The following AIG1 variants were observed in gnomAD, a reference collection of about 807,000 sequenced individuals.
AIG1 encodes the protein androgen induced 1, also known as androgen-induced gene 1 protein.
A neutral mutation model predicts 31.4 loss-of-function variants in AIG1; 23 were observed. The observed-to-expected ratio is 0.73, with a 90% CI of 0.53 to 1.04. The LOEUF (loss-of-function observed/expected upper bound fraction) is 1.04, where lower values mean the gene tolerates loss of function less well. Among genes scored for constraint, AIG1 ranks in the 50% least tolerant of loss-of-function variants. The probability of loss-of-function intolerance (pLI) is 0.00; values close to 1 mark genes in which losing one functional copy is unlikely to be tolerated. For missense variants in AIG1, 274 were observed against 295.0 expected (o/e 0.93, Z 0.52); for synonymous variants, 100 against 110.5 (o/e 0.90, Z 0.60).
intron 4 of AIG1, among the ~76,000 whole-genome samples, chr6:143,303,172 G>C (rs928122141): frequency 1.3e-5 from 2 of 151,638 alleles, no homozygotes; most frequent in Middle Eastern, 6.8e-3. Context: ...CCATTTTGTA[G>C]GTTGCCTGTT....
At chr6:143,112,806 G>T (rs1781403292) in intron 1 of AIG1, among the ~76,000 whole-genome samples, 1 of 152,118 alleles carries the variant, frequency 6.6e-6, no homozygotes, top group Non-Finnish European at 1.5e-5. Flanking sequence ...GTGCATTTTT[G>T]ATCCTCACAT....
intron 3 of AIG1, among the ~76,000 whole-genome samples, chr6:143,227,118 G>A (rs555005490): frequency 6.6e-6 from 1 of 151,192 alleles, no homozygotes; most frequent in East Asian, 2.0e-4. Flanking sequence ...ATGTCCTAAA[G>A]AAGATAATTC....
At chr6:143,228,501 C>T (rs577437885) in intron 3 of AIG1, among the ~76,000 whole-genome samples, 1 of 152,228 alleles carries the variant, frequency 6.6e-6, no homozygotes, top group African/African-American at 2.4e-5. Context: ...AGCAAGTGTC[C>T]CAACACCAAA....
At chr6:143,221,851 T>C (rs1344742133) in intron 3 of AIG1, among the ~76,000 whole-genome samples, 2 of 152,230 alleles carry the variant, frequency 1.3e-5, no homozygotes, top group African/African-American at 4.8e-5. Context: ...TTCTTGATGC[T>C]GAACAGATCA....
At chr6:143,142,281 C>G (rs1193935390) in intron 2 of AIG1, among the ~76,000 whole-genome samples, 1 of 152,074 alleles carries the variant, frequency 6.6e-6, no homozygotes, top group African/African-American at 2.4e-5. Context: ...ACTAAATTTC[C>G]CAGGCTGGTC....
chr6:143,182,327 C>G lies in AIG1; in HGVS notation c.399+17144C>G, dbSNP rs1788807681. 2.0e-5 allele frequency among the ~76,000 whole-genome samples: 3 copies of G among 152,302 alleles called. No homozygotes were observed. In the South Asian group the frequency reaches 6.2e-4, roughly 32 times the overall value. ...GAGATTACAGGCATAAGCCACTGCACCTGGCCTTTTTTCTCTTTAGTGCCT... is the reference window on the plus strand; with the variant it reads ...GAGATTACAGGCATAAGCCACTGCAGCTGGCCTTTTTTCTCTTTAGTGCCT... On this transcript the variant is annotated intron_variant, in intron 3 of 5. Transcript: ENST00000357847.
At chr6:143,125,996 A>T (rs529761097) in intron 1 of AIG1, among the ~76,000 whole-genome samples, 1 of 152,310 alleles carries the variant, frequency 6.6e-6, no homozygotes, top group South Asian at 2.1e-4. Flanking sequence ...TGCAAACCAC[A>T]CATTTGATGG....
intron 3 of AIG1, among the ~76,000 whole-genome samples, chr6:143,265,205 G>T (rs946007386): frequency 2.0e-5 from 3 of 150,830 alleles, no homozygotes; most frequent in East Asian, 2.0e-4. Context: ...TAACGAGGAG[G>T]AAAAACCTAC....
Position 143,103,506 on chromosome 6 carries a change from T to C in AIG1, c.142-33329T>C, listed in dbSNP as rs9390054. Among the ~76,000 whole-genome samples, 29 of 138,540 alleles carry C rather than the reference T, an allele frequency of 2.1e-4. No individual in the cohort carries two copies. The East Asian group carries it at 4.5e-3, about 22-fold the overall frequency. 90.9% of individuals were successfully genotyped at this position (138,540 alleles called of 152,430 possible). ...GTGATAAATACAGAAGTTTTCTTTT[T>C]TTTTTTTTTTTTTTTTTTTGAGACG... On this transcript the variant is annotated intron_variant, in intron 1 of 5. Coordinates refer to ENST00000357847, the MANE Select transcript of AIG1 (RefSeq NM_016108.4).
chr6:143,300,451 A>C (rs1798746460), intron 4 of AIG1, among the ~76,000 whole-genome samples: 2 of 152,202 alleles, frequency 1.3e-5, no homozygotes, highest in South Asian at 4.1e-4. Context: ...CTATTTACCC[A>C]GTTGCACACA....
At chr6:143,301,720 TTATC>T (rs2128697825) in intron 4 of AIG1, among the ~76,000 whole-genome samples, 1 of 152,262 alleles carries the variant, frequency 6.6e-6, no homozygotes, top group African/African-American at 2.4e-5. Context: ...CATGATTCAA[TTATC>T]TTTACATGGT....
At chr6:143,116,953 G>A (rs1562392260) in intron 1 of AIG1, among the ~76,000 whole-genome samples, 1 of 152,034 alleles carries the variant, frequency 6.6e-6, no homozygotes, top group East Asian at 1.9e-4. Context: ...CAGTATGGGG[G>A]CTCAGATGTT....
chr6:143,123,689 T>A (rs1782424319), intron 1 of AIG1, among the ~76,000 whole-genome samples: 1 of 152,216 alleles, frequency 6.6e-6, no homozygotes. Flanking sequence ...TGGTTGAGTC[T>A]GTACATATTT....
At chr6:143,224,183 G>A (rs567344621) in intron 3 of AIG1, among the ~76,000 whole-genome samples, 2 of 152,310 alleles carry the variant, frequency 1.3e-5, no homozygotes, top group South Asian at 4.1e-4. Context: ...TCGCTCCTGA[G>A]TTGTAGCCAA....
upstream of AIG1, among the ~76,000 whole-genome samples, chr6:143,059,677 T>C (rs934180555): frequency 6.6e-6 from 1 of 152,214 alleles, no homozygotes; most frequent in East Asian, 1.9e-4. Flanking sequence ...CAGGAAAACA[T>C]CCATGGCTTG....
chr6:143,290,432 G>A (rs959158299), intron 4 of AIG1, among the ~76,000 whole-genome samples: 4 of 152,208 alleles, frequency 2.6e-5, no homozygotes, highest in Non-Finnish European at 5.9e-5. Context: ...CCAGCACTTG[G>A]CAGGGGCCGC....
At chr6:143,102,922 A>G (rs539207241) in intron 1 of AIG1, among the ~76,000 whole-genome samples, 1 of 152,310 alleles carries the variant, frequency 6.6e-6, no homozygotes, top group South Asian at 2.1e-4. Flanking sequence ...TGTTTGTTTT[A>G]TCCCAGAATC....
At chr6:143,253,126 T>A (rs1795132086) in intron 3 of AIG1, among the ~76,000 whole-genome samples, 2 of 152,220 alleles carry the variant, frequency 1.3e-5, no homozygotes, top group Admixed American at 1.3e-4. Flanking sequence ...TAGAAGCAAG[T>A]CACTAGGCCA....
chr6:143,126,934 A>G (rs1180133335), intron 1 of AIG1, among the ~76,000 whole-genome samples: 1 of 152,136 alleles, frequency 6.6e-6, no homozygotes, highest in Non-Finnish European at 1.5e-5. Flanking sequence ...TATAGTACCT[A>G]TATAGTTGGT....
Sources: allele counts gnomAD v4.1 joint callset (sites outside exome capture counted in the v4.1 genomes callset), GRCh38; gene constraint gnomAD v4.1.1; transcripts MANE v1.5; gene names NCBI Gene and HGNC (gene_info 2026-07-23, HGNC 2026-07-21).